PCDHGB6: variants seen among roughly 807,000 people sequenced by gnomAD.
PCDHGB6 encodes the protein protocadherin gamma subfamily B, 6.
Under a neutral mutation model 59.1 loss-of-function variants are expected in PCDHGB6, and 51 were observed. That is an observed-to-expected ratio of 0.86 (90% CI 0.69 to 1.09). PCDHGB6 has a LOEUF of 1.09. Ranked by LOEUF, PCDHGB6 falls within the 50% of genes least tolerant of loss-of-function variation. The pLI, the probability that PCDHGB6 is intolerant of heterozygous loss-of-function variation, is 0.00. For synonymous variants in PCDHGB6, 466 were observed against 495.1 expected (o/e 0.94, Z 0.78); for missense variants, 1,148 against 1,205.1 (o/e 0.95, Z 0.70).
In PCDHGB6 at chr5:141,490,413, G is replaced by C. The variant is rs2233606; in HGVS notation, c.2419-4394G>C. 6 of 1,614,128 alleles carry C rather than the reference G, an allele frequency of 3.7e-6. No individual in the cohort carries two copies. In the South Asian group the frequency reaches 4.4e-5, roughly 12 times the overall value. On this transcript the variant is annotated intron_variant, in intron 1 of 3. Transcript: ENST00000520790. The surrounding 1 kb of genome is among the most constrained non-coding windows in gnomAD (Gnocchi z 5.4). ...GTGAAGTGAGCCTTGATATCTCTCCGGACCTGCCATTTCAGATTAAGCCTT... is the reference window on the plus strand; with the variant it reads ...GTGAAGTGAGCCTTGATATCTCTCCCGACCTGCCATTTCAGATTAAGCCTT...
intron 2 of PCDHGB6, among the ~76,000 whole-genome samples, chr5:141,498,825 C>A (rs2099786017): frequency 6.6e-6 from 1 of 151,974 alleles, no homozygotes; most frequent in Admixed American, 6.6e-5. Flanking sequence ...CCCAGCTACT[C>A]AGGAGGCTGA....
chr5:141,495,547 C>G (rs2099762038), intron 2 of PCDHGB6, among the ~76,000 whole-genome samples: 1 of 152,228 alleles, frequency 6.6e-6, no homozygotes, highest in South Asian at 2.1e-4. Flanking sequence ...CAGTCTCTAT[C>G]TCGCTTTGCA....
Position 141,485,955 on chromosome 5 carries a change from T to C in PCDHGB6, c.2419-8852T>C. 1 of 1,614,152 alleles carries C rather than the reference T, an allele frequency of 6.2e-7. No homozygotes were observed. Among genetic ancestry groups the C allele is most frequent in the Non-Finnish European group, 8.5e-7 (1 of 1,180,018 alleles). On this transcript the variant is annotated intron_variant, in intron 1 of 3. Transcript: ENST00000520790. This position sits in a 1 kb window ranked among gnomAD's most constrained non-coding sequence, Gnocchi z 5.7. ...GAGAGCGCACCAGCGGGCATGGTGC[T>C]CATCCAGCTCAATGCCTCAGACCCG...
chr5:141,413,319 C>T, intron 1 of PCDHGB6: 1 of 1,613,960 alleles, frequency 6.2e-7, no homozygotes, highest in South Asian at 1.1e-5. Context: ...AAGGCTCTTT[C>T]GTGGGCAACA....
intron 1 of PCDHGB6, among the ~76,000 whole-genome samples, chr5:141,455,997 A>C (rs1373055623): frequency 1.3e-5 from 2 of 151,626 alleles, no homozygotes. Context: ...TCTCGGGTTC[A>C]TGCCATTCTC....
At position 141,477,107 on chromosome 5, in the gene PCDHGB6, C is replaced by A. The variant is rs1431445150; in HGVS notation, c.2419-17700C>A. ...CCAGGCCAAAGACAAGGGCGCCAAT[C>A]CCGAAGGAGCACATTGCAAAGTGTT... On this transcript the variant is annotated intron_variant, in intron 1 of 3. Coordinates refer to ENST00000520790, the MANE Select transcript of PCDHGB6 (RefSeq NM_018926.3). This position sits in a 1 kb window ranked among gnomAD's most constrained non-coding sequence, Gnocchi z 4.9. 1 of 1,614,252 alleles carries A rather than the reference C, an allele frequency of 6.2e-7. No homozygotes were observed. The highest frequency in any genetic ancestry group is 8.5e-7 in the Non-Finnish European group (1 of 1,180,048).
In PCDHGB6 at chr5:141,409,511, A is replaced by C; in HGVS notation, c.1309A>C (p.Ser437Arg). ...CAAGCCGCCTCTTTCTTCCAGTAGAAGCATCACCTTGTATGTCGCTGACAT... is the reference window on the plus strand; with the variant it reads ...CAAGCCGCCTCTTTCTTCCAGTAGACGCATCACCTTGTATGTCGCTGACAT... ...RGKPPLSSSRSITLYVADIND... is the reference protein window; with the variant it reads ...RGKPPLSSSRRITLYVADIND... Residue 437 changes from serine (S) to arginine (R), a missense_variant, in exon 1 of 4, where the codon AGC (serine) becomes CGC (arginine). This residue lies in a region of PCDHGB6 where 549 missense variants were observed against 527.5 expected (regional missense o/e 1.04). Transcript: ENST00000520790. 6.2e-7 allele frequency: 1 copy of C among 1,614,018 alleles called. No homozygotes were observed. The highest frequency in any genetic ancestry group is 8.5e-7 in the Non-Finnish European group (1 of 1,179,902).
At chr5:141,495,960 C>G (rs1380397345) in intron 2 of PCDHGB6, among the ~76,000 whole-genome samples, 2 of 151,998 alleles carry the variant, frequency 1.3e-5, no homozygotes, top group East Asian at 3.9e-4. Context: ...CTTTTTCTGC[C>G]TCTTTCTCTG....
chr5:141,480,414 CA>C (rs10712552), intron 1 of PCDHGB6, among the ~76,000 whole-genome samples: 43,347 of 147,074 alleles, frequency 0.29, 6,620 homozygotes, highest in African/African-American at 0.4. Flanking sequence ...GACCCTGTCT[CA>C]AAAAAAAAAA....
At chr5:141,424,094 A>G (rs1036391991) in intron 1 of PCDHGB6, 11 of 864,422 alleles carry the variant, frequency 1.3e-5, no homozygotes, top group Non-Finnish European at 1.4e-5. Context: ...ATTATTTGCT[A>G]TTACTGCTAA....
chr5:141,460,346 ATTTTC>A (rs1049715417), intron 1 of PCDHGB6, among the ~76,000 whole-genome samples: 6 of 151,964 alleles, frequency 3.9e-5, no homozygotes, highest in Non-Finnish European at 8.8e-5. Flanking sequence ...TTTCTCCTAT[ATTTTC>A]TTTTAGAAGT....
intron 1 of PCDHGB6, among the ~76,000 whole-genome samples, chr5:141,434,571 T>C (rs2154556263): frequency 6.6e-6 from 1 of 152,374 alleles, no homozygotes; most frequent in South Asian, 2.1e-4. Flanking sequence ...GACATGCCCC[T>C]GCTGCAGATA....
intron 1 of PCDHGB6, among the ~76,000 whole-genome samples, chr5:141,482,800 G>A (rs10052648): frequency 7.6e-6 from 1 of 130,764 alleles, no homozygotes; most frequent in South Asian, 2.2e-4. Flanking sequence ...GGCCGGGTAC[G>A]GTGGCTCATG....
chr5:141,470,855 G>A (rs2099242095), intron 1 of PCDHGB6, among the ~76,000 whole-genome samples: 3 of 151,856 alleles, frequency 2.0e-5, no homozygotes, highest in Admixed American at 2.0e-4. Context: ...GCTCAGATAA[G>A]TTTTTTGTTT....
chr5:141,439,960 T>G (rs1297261423), intron 1 of PCDHGB6: 1 of 152,668 alleles, frequency 6.6e-6, no homozygotes, highest in African/African-American at 2.4e-5. Flanking sequence ...AGATCCGTTA[T>G]TCAGTCCTAG....
intron 2 of PCDHGB6, among the ~76,000 whole-genome samples, chr5:141,501,092 C>A: frequency 6.6e-6 from 1 of 152,118 alleles, no homozygotes; most frequent in East Asian, 1.9e-4. Flanking sequence ...TGGTCTCAAT[C>A]TCTTGACCTC....
At chr5:141,418,687 G>T (rs758554600) in intron 1 of PCDHGB6, 1 of 1,613,928 alleles carries the variant, frequency 6.2e-7, no homozygotes, top group African/African-American at 1.3e-5. Context: ...TCAACTCAGA[G>T]ATCACTTATT....
intron 1 of PCDHGB6, among the ~76,000 whole-genome samples, chr5:141,452,745 G>A (rs1246578948): frequency 6.6e-6 from 1 of 152,054 alleles, no homozygotes; most frequent in African/African-American, 2.4e-5. Flanking sequence ...AGAGAGAGAA[G>A]GAAGAAGGAA....
At chr5:141,413,592 A>G in intron 1 of PCDHGB6, 1 of 1,613,916 alleles carries the variant, frequency 6.2e-7, no homozygotes, top group Non-Finnish European at 8.5e-7. Context: ...AATTCCAAGC[A>G]GAAAATCTAG....
Sources: gnomAD v4.1 joint callset for allele counts (sites outside exome capture counted in the v4.1 genomes callset) on GRCh38, gnomAD v4.1.1 for gene constraint, gnomAD v4.1.1 regional missense constraint, Gnocchi (gnomAD v3.1) non-coding constraint, MANE v1.5 for transcripts, NCBI Gene and HGNC (gene_info 2026-07-23, HGNC 2026-07-21) for gene names.